MACROH2A2: variants seen among roughly 807,000 people sequenced by gnomAD.
MACROH2A2 encodes the protein core histone macro-H2A.2.
MACROH2A2 carries 6 observed loss-of-function variants against 37.6 expected under a neutral mutation model. The ratio of observed to expected loss-of-function variants is 0.16; its 90% CI spans 0.09 to 0.32. MACROH2A2 has a LOEUF of 0.32. MACROH2A2 is among the 10% of genes least tolerant of loss of function. The pLI is 1.00. For missense variants in MACROH2A2, 290 were observed against 485.9 expected (o/e 0.60, Z 3.79); for synonymous variants, 192 against 202.7 (o/e 0.95, Z 0.45).
chr10:70,078,291 C>A (rs967775842), intron 2 of MACROH2A2, among the ~76,000 whole-genome samples: 1 of 152,230 alleles, frequency 6.6e-6, no homozygotes, highest in Non-Finnish European at 1.5e-5. Context: ...GTGGGTTGAA[C>A]ATGGAGAGGA....
At chr10:70,079,565 G>GCACACACACACACACACACACACA (rs56247035) in intron 2 of MACROH2A2, among the ~76,000 whole-genome samples, 1 of 126,262 alleles carries the variant, frequency 7.9e-6, no homozygotes, top group Non-Finnish European at 1.6e-5. Context: ...GCGCGCGCGC[G>GCACACACACACACACACACACACA]CACACACACA....
chr10:70,077,725 C>T (rs2072148096), intron 2 of MACROH2A2, among the ~76,000 whole-genome samples: 1 of 152,082 alleles, frequency 6.6e-6, no homozygotes. Context: ...AATAATAATA[C>T]AAAAATAAAA....
chr10:70,053,651 C>A lies in MACROH2A2; in HGVS notation c.-60+651C>A, dbSNP rs1459385787. ...GGGGGTTGCTGCGCGGACACCCGGGCGCCGCGGGCGGGCGTGCGCCCCGGG... is the reference window on the plus strand; with the variant it reads ...GGGGGTTGCTGCGCGGACACCCGGGAGCCGCGGGCGGGCGTGCGCCCCGGG... On this transcript the variant is annotated intron_variant, in intron 1 of 8. Coordinates refer to ENST00000373255, the MANE Select transcript of MACROH2A2 (RefSeq NM_018649.3). This position sits in a 1 kb window ranked among gnomAD's most constrained non-coding sequence, Gnocchi z 4.8. Among the ~76,000 whole-genome samples the A allele has an allele frequency of 1.3e-5, 2 of 150,954 alleles. No individual in the cohort carries two copies. The highest frequency in any genetic ancestry group is 6.6e-5 in the Admixed American group (1 of 15,164).
chr10:70,102,659 G>A (rs2072313257), intron 7 of MACROH2A2, among the ~76,000 whole-genome samples: 1 of 152,080 alleles, frequency 6.6e-6, no homozygotes, highest in Non-Finnish European at 1.5e-5. Context: ...GGAGGTTGCA[G>A]TGAGCCAAGA....
At chr10:70,090,776 C>T (rs934914535) in intron 3 of MACROH2A2, among the ~76,000 whole-genome samples, 189 of 152,168 alleles carry the variant, frequency 1.2e-3, no homozygotes, top group African/African-American at 4.1e-3. Flanking sequence ...AAGCAAACTA[C>T]AAGCCATAAT....
intron 2 of MACROH2A2, among the ~76,000 whole-genome samples, chr10:70,078,526 A>G (rs1434304431): frequency 1.3e-5 from 2 of 152,214 alleles, no homozygotes; most frequent in Non-Finnish European, 2.9e-5. Context: ...GGGATGACTC[A>G]TTGACCAGCT....
intron 1 of MACROH2A2, among the ~76,000 whole-genome samples, chr10:70,071,376 C>G (rs146062265): frequency 3.3e-5 from 5 of 152,012 alleles, no homozygotes; most frequent in Non-Finnish European, 7.4e-5. Context: ...TCTTTAGAAC[C>G]GACTGCTTAA....
chr10:70,089,888 G>T (rs985997959), intron 2 of MACROH2A2, among the ~76,000 whole-genome samples, 172 bp from the exon 3 acceptor site: 1 of 152,080 alleles, frequency 6.6e-6, no homozygotes, highest in African/African-American at 2.4e-5. Context: ...TCGGCCTCCT[G>T]AGTAGCTGGG....
chr10:70,080,297 TC>T (rs1266188090), intron 2 of MACROH2A2, among the ~76,000 whole-genome samples: 1 of 140,688 alleles, frequency 7.1e-6, no homozygotes, highest in Admixed American at 7.1e-5. Flanking sequence ...AAAAAAAGAG[TC>T]TTGCCGAGAG....
chr10:70,054,955 G>A (rs1457760606), intron 1 of MACROH2A2, among the ~76,000 whole-genome samples: 1 of 152,150 alleles, frequency 6.6e-6, no homozygotes, highest in Non-Finnish European at 1.5e-5. Flanking sequence ...CACATTATTA[G>A]TGGTTTCCTC....
chr10:70,110,621 C>T (rs1047407080), intron 8 of MACROH2A2, among the ~76,000 whole-genome samples: 2 of 152,146 alleles, frequency 1.3e-5, no homozygotes, highest in East Asian at 1.9e-4. Context: ...CGGTGGCTCA[C>T]GCCTGTAAAT....
At chr10:70,092,072 TG>T in intron 4 of MACROH2A2, 118 bp downstream of exon 4, 1 of 803,264 alleles carries the variant, frequency 1.2e-6, no homozygotes, top group South Asian at 1.7e-5. Flanking sequence ...TTACAAGGTG[TG>T]GGCTTTGAGA....
chr10:70,095,253 A>G (rs1484718458), intron 5 of MACROH2A2, among the ~76,000 whole-genome samples: 2 of 152,016 alleles, frequency 1.3e-5, no homozygotes, highest in Non-Finnish European at 2.9e-5. Flanking sequence ...CTGTAGTCCC[A>G]GCTACTCAGG....
At chr10:70,108,966 T>G (rs749550731) in intron 7 of MACROH2A2, 67 bp from the exon 8 acceptor site, 123 of 1,386,116 alleles carry the variant, frequency 8.9e-5, no homozygotes, top group Non-Finnish European at 1.2e-4. Context: ...AGGTACCTGA[T>G]GAGGTTAGGC....
At position 70,087,050 on chromosome 10, in the gene MACROH2A2, G is replaced by A. The variant is rs535776723; in HGVS notation, c.173-3010G>A. ...TACAAAAAAATTAAAAATTAGCCTGGCATGGTGGCACAAGCCTGTGGTCCC... is the reference window on the plus strand; with the variant it reads ...TACAAAAAAATTAAAAATTAGCCTGACATGGTGGCACAAGCCTGTGGTCCC... On this transcript the variant is annotated intron_variant, in intron 2 of 8. Coordinates refer to ENST00000373255, the MANE Select transcript of MACROH2A2 (RefSeq NM_018649.3). 5.3e-5 allele frequency among the ~76,000 whole-genome samples: 8 copies of A among 152,154 alleles called. No homozygotes were observed. The South Asian group carries it at 1.2e-3, about 24-fold the overall frequency.
chr10:70,067,090 A>T (rs963215865), intron 1 of MACROH2A2, among the ~76,000 whole-genome samples: 4 of 152,212 alleles, frequency 2.6e-5, no homozygotes, highest in Non-Finnish European at 5.9e-5. Context: ...TGAGTCAACA[A>T]TATCTATTAA....
At chr10:70,078,385 G>A (rs540836942) in intron 2 of MACROH2A2, among the ~76,000 whole-genome samples, 3 of 152,334 alleles carry the variant, frequency 2.0e-5, no homozygotes, top group Admixed American at 6.5e-5. Context: ...CCACGTGGAG[G>A]AGGAGAAGGT....
intron 2 of MACROH2A2, among the ~76,000 whole-genome samples, chr10:70,088,455 C>A (rs938771389): frequency 6.6e-6 from 1 of 152,094 alleles, no homozygotes; most frequent in Non-Finnish European, 1.5e-5. Flanking sequence ...AGAAAAATAA[C>A]GAAATAAAAC....
intron 7 of MACROH2A2, among the ~76,000 whole-genome samples, chr10:70,105,471 G>A (rs935006238): frequency 6.6e-6 from 1 of 152,228 alleles, no homozygotes; most frequent in African/African-American, 2.4e-5. Context: ...CCAGACCCAT[G>A]TGTGCAGGGG....
Sources: allele counts gnomAD v4.1 joint callset (sites outside exome capture counted in the v4.1 genomes callset), GRCh38; gene constraint gnomAD v4.1.1; non-coding constraint Gnocchi (gnomAD v3.1); transcripts MANE v1.5; gene names NCBI Gene and HGNC (gene_info 2026-07-23, HGNC 2026-07-21).